The following CDC42BPB variants were observed in gnomAD, a reference collection of about 807,000 sequenced individuals.
The protein encoded by CDC42BPB is CDC42 binding protein kinase beta, also known as serine/threonine-protein kinase MRCK beta.
In CDC42BPB, 37 loss-of-function variants were observed where a neutral mutation model predicts 214.9. The observed-to-expected ratio is 0.17, with a 90% CI of 0.13 to 0.23. CDC42BPB has a LOEUF of 0.23. CDC42BPB is among the 10% of genes least tolerant of loss of function. The pLI is 1.00. For missense variants in CDC42BPB, 1,694 were observed against 2,227.0 expected, an observed-to-expected ratio of 0.76 and a Z score of 4.82; for synonymous variants, 931 against 884.0, an observed-to-expected ratio of 1.05 and a Z score of -0.94.
intron 21 of CDC42BPB, among the ~76,000 whole-genome samples, chr14:102,958,755 C>T (rs1260102580): frequency 6.6e-6 from 1 of 152,166 alleles, no homozygotes; most frequent in East Asian, 1.9e-4. Context: ...TTCCCATCAA[C>T]CACCTTTCCC....
In CDC42BPB at chr14:102,944,026, C is replaced by G. The variant is rs140245177; in HGVS notation, c.4273G>C (p.Asp1425His). 1.9e-6 allele frequency: 3 copies of G among 1,613,498 alleles called. No individual in the cohort carries two copies. The highest frequency in any genetic ancestry group is 2.5e-6 in the Non-Finnish European group (3 of 1,180,020). ...TCGAGCTCCACAGCACAAAGGGCAT[C>G]AAAAGACTGTTGTGAGAGGAACGCA... Reference protein sequence around the residue: ...SLAFLSQQSFDALCAVELESE... With the variant: ...SLAFLSQQSFHALCAVELESE... The change falls in exon 30 of 37, where the codon GAT becomes CAT. Residue 1425 changes from aspartate (D) to histidine (H), a missense_variant. Physicochemically the swap from Asp to His is moderately conservative, Grantham distance 81 (BLOSUM62 -1). Transcript: ENST00000361246. The surrounding 1 kb of genome is among the most constrained non-coding windows in gnomAD (Gnocchi z 6.6).
chr14:102,967,100 G>A lies in CDC42BPB; in HGVS notation c.2417C>T (p.Ala806Val). Residue 806 changes from alanine (A) to valine (V), a missense_variant, in exon 17 of 37, where the codon GCC (alanine) becomes GTC (valine). By Grantham distance (64) the Ala-to-Val change is moderately conservative. Around this residue, in one of 7 missense-constraint regions of CDC42BPB, gnomAD observed 462 missense variants for 513.5 expected, o/e 0.90. Transcript: ENST00000361246. ...QLEDELQDLA[A>V]KKESVAHWEA... ...CCAGTGGGCCACTGACTCCTTCTTG[G>A]CTGCCAGATCCTGCAGCTCATCCTC... The A allele has an allele frequency of 5.0e-6, 8 of 1,614,202 alleles. No individual in the cohort carries two copies. The highest frequency in any genetic ancestry group is 6.8e-6 in the Non-Finnish European group (8 of 1,180,014).
Position 103,015,801 on chromosome 14 carries a change from T to A in CDC42BPB, c.176-3613A>T, listed in dbSNP as rs142432080. 9.2e-4 allele frequency among the ~76,000 whole-genome samples: 140 copies of A among 152,020 alleles called. 3 individuals carry two copies. In the East Asian group the frequency reaches 0.024, roughly 26 times the overall value. On this transcript the variant is annotated intron_variant, in intron 1 of 36. Coordinates refer to ENST00000361246, the MANE Select transcript of CDC42BPB (RefSeq NM_006035.4). Reference sequence around the variant, plus strand: ...TCAGCTCACTGCAACCTCCGCCTCCTGGGTTCAAGCGATTCTCCTGCTTCA... The same window carrying A: ...TCAGCTCACTGCAACCTCCGCCTCCAGGGTTCAAGCGATTCTCCTGCTTCA...
intron 1 of CDC42BPB, among the ~76,000 whole-genome samples, chr14:103,018,176 G>A (rs900976442): frequency 2.0e-5 from 3 of 152,190 alleles, no homozygotes; most frequent in Non-Finnish European, 4.4e-5. Flanking sequence ...TGATCTGACC[G>A]GAGGTAGAGC....
At chr14:102,999,379 G>A (rs1032322091) in intron 5 of CDC42BPB, among the ~76,000 whole-genome samples, 186 bp downstream of exon 5, 32 of 152,158 alleles carry the variant, frequency 2.1e-4, no homozygotes, top group African/African-American at 5.6e-4. Context: ...AACAATGAGA[G>A]CTGGGATCCA....
intron 23 of CDC42BPB, 34 bp downstream of exon 23, chr14:102,954,164 A>T: frequency 7.2e-7 from 1 of 1,393,676 alleles, no homozygotes; most frequent in Non-Finnish European, 1.0e-6. Context: ...CTAAATAACT[A>T]AGAAGGCGCC....
chr14:102,945,151 G>A, intron 29 of CDC42BPB: 1 of 437,236 alleles, frequency 2.3e-6, no homozygotes, highest in South Asian at 1.6e-5. Flanking sequence ...TGCTGGGTCT[G>A]TCGGGAAAGG....
At chr14:102,937,797 AAAC>A (rs1891707477) in intron 36 of CDC42BPB, among the ~76,000 whole-genome samples, 1 of 152,260 alleles carries the variant, frequency 6.6e-6, no homozygotes, top group Non-Finnish European at 1.5e-5. Flanking sequence ...GAAGTACATA[AAAC>A]AACACAGGGA....
intron 1 of CDC42BPB, among the ~76,000 whole-genome samples, chr14:103,027,947 T>A (rs36103509): frequency 6.6e-6 from 1 of 151,706 alleles, no homozygotes; most frequent in African/African-American, 2.4e-5. Context: ...CTGGCCAACA[T>A]AGTGAAACCC....
At chr14:102,953,529 G>A (rs1892581802) in intron 23 of CDC42BPB, among the ~76,000 whole-genome samples, 2 of 152,376 alleles carry the variant, frequency 1.3e-5, no homozygotes, top group Non-Finnish European at 2.9e-5. Flanking sequence ...AGCACAGGCA[G>A]AGGCCGTGTC....
chr14:103,045,706 C>T (rs1888249511), intron 1 of CDC42BPB, among the ~76,000 whole-genome samples: 1 of 152,182 alleles, frequency 6.6e-6, no homozygotes, highest in South Asian at 2.1e-4. Flanking sequence ...AGAATAGAAA[C>T]AGCAACACAT....
At position 103,008,876 on chromosome 14, in the gene CDC42BPB, A is replaced by G. The variant is rs34495499; in HGVS notation, c.268-321T>C. On this transcript the variant is annotated intron_variant, in intron 2 of 36. Transcript: ENST00000361246. ...GAGGACCCATGAGCACTGACAGTTA[A>G]TGTGCCCAGCACACTGTGGGGCACA... 4.7e-3 allele frequency among the ~76,000 whole-genome samples: 712 copies of G among 152,326 alleles called. 6 individuals are homozygous for G. Among genetic ancestry groups the G allele is most frequent in the African/African-American group, 0.017 (688 of 41,568 alleles).
At chr14:103,048,979 T>C (rs532747483) in intron 1 of CDC42BPB, among the ~76,000 whole-genome samples, 4 of 152,290 alleles carry the variant, frequency 2.6e-5, no homozygotes, top group African/African-American at 4.8e-5. Context: ...GTATCTTACA[T>C]GGCTTAGCTG....
At chr14:102,966,512 G>A (rs1038161656) in intron 17 of CDC42BPB, 125 bp from the exon 18 acceptor site, 25 of 1,481,586 alleles carry the variant, frequency 1.7e-5, no homozygotes, top group African/African-American at 1.7e-4. Flanking sequence ...TAGAGTGCCC[G>A]CAGTGTACCC....
intron 1 of CDC42BPB, among the ~76,000 whole-genome samples, chr14:103,028,150 A>G (rs1017750357): frequency 6.6e-6 from 1 of 152,214 alleles, no homozygotes; most frequent in Non-Finnish European, 1.5e-5. Flanking sequence ...AAATAAAACA[A>G]TAATAAAAAA....
intron 23 of CDC42BPB, among the ~76,000 whole-genome samples, chr14:102,953,652 G>A (rs993210780): frequency 1.3e-5 from 2 of 152,244 alleles, no homozygotes; most frequent in African/African-American, 4.8e-5. Flanking sequence ...ATGTTTATAT[G>A]AAAGAAAAGG....
intron 34 of CDC42BPB, 25 bp from the exon 35 acceptor site, chr14:102,938,436 G>A (rs1370866210): frequency 2.0e-6 from 3 of 1,515,588 alleles, no homozygotes; most frequent in Non-Finnish European, 1.8e-6. Context: ...CAACACGTGA[G>A]CATGCTTGGT....
intron 1 of CDC42BPB, chr14:103,041,903 C>A: frequency 2.4e-6 from 1 of 416,218 alleles, no homozygotes; most frequent in Non-Finnish European, 4.7e-6. Context: ...CTGAAACTGG[C>A]CACCCAGCTG....
At chr14:102,979,395 A>G (rs917931871) in intron 8 of CDC42BPB, among the ~76,000 whole-genome samples, 2 of 152,070 alleles carry the variant, frequency 1.3e-5, no homozygotes, top group Non-Finnish European at 2.9e-5. Context: ...TATTTTTAGT[A>G]GAGACGGGGT....
Sources: allele counts gnomAD v4.1 joint callset (sites outside exome capture counted in the v4.1 genomes callset), GRCh38; gene constraint gnomAD v4.1.1; regional missense constraint gnomAD v4.1.1; non-coding constraint Gnocchi (gnomAD v3.1); transcripts MANE v1.5; gene names NCBI Gene and HGNC (gene_info 2026-07-23, HGNC 2026-07-21).